Variants in SIPA1L3 observed in about 807,000 individuals in gnomAD.
The protein encoded by SIPA1L3 is signal-induced proliferation-associated 1-like protein 3.
A neutral mutation model predicts 150.1 loss-of-function variants in SIPA1L3; 59 were observed. That is an observed-to-expected ratio of 0.39 (90% CI 0.32 to 0.49). The LOEUF (loss-of-function observed/expected upper bound fraction) is 0.49. Among genes scored for constraint, SIPA1L3 ranks in the 20% least tolerant of loss-of-function variants. The pLI is 0.86. For missense variants in SIPA1L3, 2,211 were observed against 2,489.5 expected (o/e 0.89, Z 2.38); for synonymous variants, 1,070 against 1,077.6 (o/e 0.99, Z 0.14).
intron 2 of SIPA1L3, among the ~76,000 whole-genome samples, chr19:38,056,509 C>T (rs1393136087): frequency 1.3e-5 from 2 of 152,206 alleles, no homozygotes; most frequent in East Asian, 1.9e-4. Context: ...CAGCACCCTG[C>T]TCCCATCCTT....
intron 8 of SIPA1L3, among the ~76,000 whole-genome samples, chr19:38,117,794 C>CT (rs147980498): frequency 0.031 from 4,719 of 150,898 alleles, 248 homozygotes; most frequent in African/African-American, 0.11. Flanking sequence ...ATCATTTTCT[C>CT]TTTTTTTTTG....
chr19:38,192,105 C>A, intron 16 of SIPA1L3, 40 bp from the exon 17 acceptor site: 1 of 1,538,024 alleles, frequency 6.5e-7, no homozygotes, highest in Non-Finnish European at 8.7e-7. Context: ...GTGGCTTGAG[C>A]CTCCCTGACA....
chr19:38,035,943 G>A (rs989108963), intron 2 of SIPA1L3, among the ~76,000 whole-genome samples: 1 of 152,200 alleles, frequency 6.6e-6, no homozygotes, highest in Non-Finnish European at 1.5e-5. Flanking sequence ...CCCTGAGCTG[G>A]CACAGGCCTA....
At chr19:38,138,624 G>A (rs1191483481) in intron 10 of SIPA1L3, among the ~76,000 whole-genome samples, 4 of 21,702 alleles carry the variant, frequency 1.8e-4, no homozygotes, top group Admixed American at 1.7e-3. Context: ...AGAATAGGAC[G>A]TGGTGCCTCA....
At chr19:38,060,465 TA>T (rs1194938144) in intron 2 of SIPA1L3, among the ~76,000 whole-genome samples, 14 of 152,150 alleles carry the variant, frequency 9.2e-5, no homozygotes, top group Admixed American at 7.9e-4. Flanking sequence ...GTTCAGTAAA[TA>T]ATAGTACAGG....
chr19:38,166,517 C>T (rs926162209), intron 15 of SIPA1L3, among the ~76,000 whole-genome samples: 3 of 151,958 alleles, frequency 2.0e-5, no homozygotes, highest in Non-Finnish European at 4.4e-5. Flanking sequence ...CCTAGAGTCC[C>T]GACCACACAC....
intron 2 of SIPA1L3, among the ~76,000 whole-genome samples, chr19:38,035,953 A>C (rs1194105091): frequency 6.6e-6 from 1 of 152,230 alleles, no homozygotes; most frequent in Non-Finnish European, 1.5e-5. Context: ...GCACAGGCCT[A>C]GGTGTAGCAG....
intron 1 of SIPA1L3, among the ~76,000 whole-genome samples, chr19:37,979,089 A>G (rs749271298): frequency 3.9e-5 from 6 of 152,182 alleles, no homozygotes; most frequent in Admixed American, 1.3e-4. Context: ...AAGCAAATCT[A>G]TAAACATGGC....
intron 7 of SIPA1L3, among the ~76,000 whole-genome samples, chr19:38,107,290 G>A (rs1416792032): frequency 6.6e-6 from 1 of 152,208 alleles, no homozygotes; most frequent in African/African-American, 2.4e-5. Flanking sequence ...GGGTAGGGGT[G>A]GAAAGGGCAG....
Position 38,162,250 on chromosome 19 carries a change from C to T in SIPA1L3, c.3662-3C>T. 6.2e-7 allele frequency: 1 copy of T among 1,613,060 alleles called. No individual in the cohort carries two copies. On this transcript the variant is annotated splice_region_variant and splice_polypyrimidine_tract_variant and intron_variant, in intron 13 of 21. Transcript: ENST00000222345. ...CACTGGTGTGTCTCCTGTTTTCCTACAGAGCCTTTGTGGCATGTGCCTGCC... is the reference window on the plus strand; with the variant it reads ...CACTGGTGTGTCTCCTGTTTTCCTATAGAGCCTTTGTGGCATGTGCCTGCC...
chr19:38,005,798 G>C (rs1400147017), intron 1 of SIPA1L3, among the ~76,000 whole-genome samples: 2 of 152,244 alleles, frequency 1.3e-5, no homozygotes, highest in Non-Finnish European at 2.9e-5. Context: ...TAGGAATCCT[G>C]GCACTGTGGG....
At chr19:38,205,980 T>C in intron 21 of SIPA1L3, 117 bp from the exon 22 acceptor site, 1 of 1,230,650 alleles carries the variant, frequency 8.1e-7, no homozygotes, top group Non-Finnish European at 1.1e-6. Context: ...CTGGCCTGGC[T>C]CTAGTGGTTG....
At chr19:37,992,772 T>A (rs1967543083) in intron 1 of SIPA1L3, among the ~76,000 whole-genome samples, 1 of 152,206 alleles carries the variant, frequency 6.6e-6, no homozygotes, top group African/African-American at 2.4e-5. Flanking sequence ...TGGGCCTGTT[T>A]TCCTCCTTTC....
In SIPA1L3 at chr19:37,916,493, TA is replaced by T. The variant is rs911159767; in HGVS notation, c.-379+9157del. Among the ~76,000 whole-genome samples the T allele has an allele frequency of 3.8e-3, 346 of 90,782 alleles. 1 individual carries two copies. Among genetic ancestry groups the T allele is most frequent in the African/African-American group, 6.1e-3 (140 of 23,110 alleles). 59.6% of individuals were successfully genotyped at this position (90,782 alleles called of 152,430 possible). The stretch of plus-strand genomic sequence containing the variant: ...AGCTATGATCACACCACTCTGTGTC[TA>T]AAAAAAAAAAAAAAAAAAAAAGACT... On this transcript the variant is annotated intron_variant, in intron 1 of 21. Coordinates refer to ENST00000222345, the MANE Select transcript of SIPA1L3 (RefSeq NM_015073.3).
intron 2 of SIPA1L3, among the ~76,000 whole-genome samples, chr19:38,040,965 G>A (rs4803690): frequency 0.51 from 78,066 of 151,720 alleles, 22,423 homozygotes; most frequent in East Asian, 0.71. Flanking sequence ...GGGTTTCACC[G>A]TGTTAGCCAG....
rs920939904 is a variant in SIPA1L3, at chr19:38,138,938, G to A, written c.3144-2246G>A. 2.2e-5 allele frequency among the ~76,000 whole-genome samples: 3 copies of A among 139,468 alleles called. No homozygotes were observed. In the Admixed American group the frequency reaches 2.3e-4, roughly 11 times the overall value. 91.5% of individuals were successfully genotyped at this position (139,468 alleles called of 152,430 possible). A position where few individuals can be genotyped will look rare whatever the true frequency, so the allele number is the denominator to read the frequency against. On this transcript the variant is annotated intron_variant, in intron 10 of 21. Coordinates refer to ENST00000222345, the MANE Select transcript of SIPA1L3 (RefSeq NM_015073.3). ...AAACTGAGTGTGGTGGCTCACGCCTGTAATCCCAACACTTTGGGAGGCCGA... is the reference window on the plus strand; with the variant it reads ...AAACTGAGTGTGGTGGCTCACGCCTATAATCCCAACACTTTGGGAGGCCGA...
chr19:37,932,395 C>T (rs990550733), intron 1 of SIPA1L3: 2 of 152,284 alleles, frequency 1.3e-5, no homozygotes, highest in Non-Finnish European at 2.9e-5. Context: ...AAACAGCTTT[C>T]TTTGGGAACG....
intron 2 of SIPA1L3, among the ~76,000 whole-genome samples, chr19:38,031,778 T>G (rs1158435934): frequency 6.6e-6 from 1 of 152,058 alleles, no homozygotes; most frequent in Non-Finnish European, 1.5e-5. Context: ...ACCCTAGCTC[T>G]AAAAAAATAA....
intron 1 of SIPA1L3, among the ~76,000 whole-genome samples, chr19:37,941,087 TACACACACACACACACACAC>T (rs59368800): frequency 7.8e-6 from 1 of 128,570 alleles, no homozygotes; most frequent in Non-Finnish European, 1.6e-5. Flanking sequence ...CACACACACA[TACACACACACACACACACAC>T]ACACACACAC....
Sources: allele counts gnomAD v4.1 joint callset (sites outside exome capture counted in the v4.1 genomes callset), GRCh38; gene constraint gnomAD v4.1.1; transcripts MANE v1.5; gene names NCBI Gene and HGNC (gene_info 2026-07-23, HGNC 2026-07-21).